DPP6: variants seen among roughly 807,000 people sequenced by gnomAD.
DPP6 encodes the protein A-type potassium channel modulatory protein DPP6.
DPP6 carries 69 observed loss-of-function variants against 122.6 expected under a neutral mutation model. The observed-to-expected ratio is 0.56, with a 90% CI of 0.46 to 0.69. The LOEUF (loss-of-function observed/expected upper bound fraction) is 0.69. Among genes scored for constraint, DPP6 ranks in the 30% least tolerant of loss-of-function variants. The pLI is 0.00. For missense variants in DPP6, 928 were observed against 1,116.9 expected, an observed-to-expected ratio of 0.83 and a Z score of 2.41; for synonymous variants, 418 against 433.1, an observed-to-expected ratio of 0.97 and a Z score of 0.43.
At chr7:154,195,259 C>A (rs534082485) in intron 1 of DPP6, among the ~76,000 whole-genome samples, 2 of 152,232 alleles carry the variant, frequency 1.3e-5, no homozygotes, top group East Asian at 1.9e-4. Context: ...ATGGCAGTAA[C>A]AAATTATAGC....
At chr7:154,036,201 C>T (rs1304952737) in intron 1 of DPP6, among the ~76,000 whole-genome samples, 2 of 150,910 alleles carry the variant, frequency 1.3e-5, no homozygotes, top group African/African-American at 2.5e-5. Flanking sequence ...ACCTCCGCCT[C>T]ACAGGTTCAA....
chr7:154,293,625 G>T (rs1165628441), intron 1 of DPP6, among the ~76,000 whole-genome samples: 1 of 152,080 alleles, frequency 6.6e-6, no homozygotes, highest in Non-Finnish European at 1.5e-5. Context: ...ATTCTCCCAG[G>T]GCGACATACA....
the DPP6 span, among the ~76,000 whole-genome samples, chr7:153,759,925 C>CTG: frequency 2.9e-4 from 43 of 147,348 alleles, no homozygotes; most frequent in Admixed American, 2.0e-3. Context: ...GTCTCTCTCT[C>CTG]TCTCTCTCTG....
chr7:154,142,557 GT>G (rs1187117714), intron 1 of DPP6, among the ~76,000 whole-genome samples: 1 of 152,084 alleles, frequency 6.6e-6, no homozygotes, highest in African/African-American at 2.4e-5. Context: ...TTAAGATACA[GT>G]TTTCATCAAT....
At chr7:154,666,777 A>G (rs1586847917) in intron 6 of DPP6, among the ~76,000 whole-genome samples, 1 of 152,200 alleles carries the variant, frequency 6.6e-6, no homozygotes, top group Non-Finnish European at 1.5e-5. Context: ...ATTTGCAACT[A>G]CAAATAAAAC....
chr7:154,035,188 T>C (rs549213056), intron 1 of DPP6, among the ~76,000 whole-genome samples: 8 of 152,360 alleles, frequency 5.3e-5, no homozygotes, highest in Non-Finnish European at 8.8e-5. Flanking sequence ...TAGCTCATCA[T>C]TGGGGTTCAG....
the DPP6 span, among the ~76,000 whole-genome samples, chr7:153,847,926 C>T: frequency 1.3e-5 from 2 of 152,210 alleles, no homozygotes; most frequent in African/African-American, 4.8e-5. Context: ...GTCACACTCT[C>T]TTCTCTGTTA....
At chr7:154,305,074 C>A (rs1403033378) in intron 1 of DPP6, 1 of 90,678 alleles carries the variant, frequency 1.1e-5, no homozygotes, top group Non-Finnish European at 2.1e-5. Flanking sequence ...CAGCCCCAGC[C>A]CCAGCCCCAG....
chr7:154,012,165 A>G (rs150614861), intron 1 of DPP6, among the ~76,000 whole-genome samples: 2,195 of 152,256 alleles, frequency 0.014, 49 homozygotes, highest in African/African-American at 0.051. Flanking sequence ...CACATATTCA[A>G]TTTCTTTGTT....
At chr7:154,586,189 G>T (rs1341396516) in intron 5 of DPP6, among the ~76,000 whole-genome samples, 2 of 152,114 alleles carry the variant, frequency 1.3e-5, no homozygotes, top group Non-Finnish European at 2.9e-5. Context: ...ACGTGACCAG[G>T]TGAGGTGTCT....
At chr7:153,974,762 G>A (rs1796207729) in intron 1 of DPP6, among the ~76,000 whole-genome samples, 1 of 152,196 alleles carries the variant, frequency 6.6e-6, no homozygotes, top group African/African-American at 2.4e-5. Context: ...GTCAAGCGCT[G>A]TGTCATCAGA....
chr7:154,111,013 G>A (rs71532623), intron 1 of DPP6, among the ~76,000 whole-genome samples: 23 of 152,300 alleles, frequency 1.5e-4, no homozygotes, highest in Admixed American at 5.2e-4. Flanking sequence ...TGTATCTGCT[G>A]TGTCTGTGGG....
chr7:154,839,225 TG>T, intron 16 of DPP6, among the ~76,000 whole-genome samples: 1 of 152,194 alleles, frequency 6.6e-6, no homozygotes, highest in Non-Finnish European at 1.5e-5. Context: ...AGATGAGTGG[TG>T]GTATCATTCC....
chr7:153,998,118 A>G (rs1797527915), intron 1 of DPP6, among the ~76,000 whole-genome samples: 1 of 151,806 alleles, frequency 6.6e-6, no homozygotes, highest in Non-Finnish European at 1.5e-5. Context: ...TTTAACAGTT[A>G]GGAAAATAAG....
At chr7:154,580,566 G>A (rs1028365511) in intron 5 of DPP6, among the ~76,000 whole-genome samples, 4 of 152,160 alleles carry the variant, frequency 2.6e-5, no homozygotes, top group Non-Finnish European at 2.9e-5. Flanking sequence ...GTCTGCCCCC[G>A]TGAGTCTTCA....
chr7:154,815,516 A>G (rs187626023), intron 16 of DPP6, among the ~76,000 whole-genome samples: 185 of 152,290 alleles, frequency 1.2e-3, no homozygotes, highest in African/African-American at 4.2e-3. Context: ...CAAGAGTATG[A>G]TTTATTTTCC....
At chr7:154,153,357 T>A (rs1360625647) in intron 1 of DPP6, among the ~76,000 whole-genome samples, 1 of 152,144 alleles carries the variant, frequency 6.6e-6, no homozygotes, top group African/African-American at 2.4e-5. Flanking sequence ...AGCTAATTTT[T>A]TGTATTTTTA....
chr7:153,936,254 A>G lies in DPP6; in HGVS notation c.51+48520A>G, dbSNP rs573994365. Among the ~76,000 whole-genome samples the G allele has an allele frequency of 9.6e-4, 21 of 21,832 alleles. No homozygotes were observed. The South Asian group carries it at 0.016, about 16-fold the overall frequency. The allele number at this position is 21,832 out of a possible 152,430, so 14.3% of individuals were successfully genotyped here. A position where few individuals can be genotyped will look rare whatever the true frequency, so the allele number is the denominator to read the frequency against. ...TGGGACAAGCAGGGCAGTGATGCAGAAAAAAACACCTCTCAGTATATGAAA... is the reference window on the plus strand; with the variant it reads ...TGGGACAAGCAGGGCAGTGATGCAGGAAAAAACACCTCTCAGTATATGAAA... On this transcript the variant is annotated intron_variant, in intron 1 of 25. Coordinates refer to the DPP6 transcript ENST00000404039.
At chr7:154,098,314 G>A (rs1014588272) in intron 1 of DPP6, among the ~76,000 whole-genome samples, 10 of 152,074 alleles carry the variant, frequency 6.6e-5, no homozygotes, top group Non-Finnish European at 1.5e-4. Context: ...GTTTCCTGAG[G>A]CCTCCCCAGC....
Sources: allele counts gnomAD v4.1 joint callset (sites outside exome capture counted in the v4.1 genomes callset), GRCh38; gene constraint gnomAD v4.1.1; transcripts MANE v1.5; gene names NCBI Gene and HGNC (gene_info 2026-07-23, HGNC 2026-07-21).